The following YLPM1 variants were observed in gnomAD, a reference collection of about 807,000 sequenced individuals.
The protein encoded by YLPM1 is YLP motif-containing protein 1.
In YLPM1, 99 loss-of-function variants were observed where a neutral mutation model predicts 230.0. That is an observed-to-expected ratio of 0.43 (90% CI 0.37 to 0.51). YLPM1 has a LOEUF of 0.51. Ranked by LOEUF, YLPM1 falls within the 20% of genes least tolerant of loss-of-function variation. The pLI, the probability that YLPM1 is intolerant of heterozygous loss-of-function variation, is 0.00. For synonymous variants in YLPM1, 984 were observed against 942.5 expected (o/e 1.04, Z -0.81); for missense variants, 2,592 against 2,707.7 (o/e 0.96, Z 0.95).
At position 74,781,589 on chromosome 14, in the gene YLPM1, A is replaced by G. The variant is rs375571082; in HGVS notation, c.1546A>G (p.Met516Val). ...GAACCAGTATATGGGGAACATGTCA[A>G]TGCCACCTCCTTTTGTTCCATATTC... The part of the protein sequence containing the change: ...MKNQYMGNMS[M>V]PPPFVPYSQM... Residue 516 changes from methionine to valine, a missense_variant, in exon 4 of 21, where the codon ATG becomes GTG. Physicochemically the swap from Met to Val is conservative, Grantham distance 21. Around this residue, in one of 4 missense-constraint regions of YLPM1, gnomAD observed 1,862 missense variants for 1,819.8 expected, o/e 1.02. Coordinates refer to ENST00000325680, the MANE Select transcript of YLPM1 (RefSeq NM_019589.3). The G allele has an allele frequency of 5.5e-5, 89 of 1,613,878 alleles. No individual in the cohort carries two copies. The highest frequency in any genetic ancestry group is 7.0e-5 in the Non-Finnish European group (83 of 1,179,902).
At chr14:74,818,896 T>G (rs1369515743) in intron 16 of YLPM1, among the ~76,000 whole-genome samples, 1 of 134,892 alleles carries the variant, frequency 7.4e-6, no homozygotes, top group African/African-American at 2.4e-5. Context: ...AGAATGCCCC[T>G]CAATTTGAAT....
intron 19 of YLPM1, among the ~76,000 whole-genome samples, chr14:74,833,628 C>T (rs1273175488): frequency 2.0e-5 from 3 of 152,032 alleles, no homozygotes; most frequent in South Asian, 4.2e-4. Context: ...ATATTGAAGC[C>T]CACATTATTT....
Position 74,763,506 on chromosome 14 carries a change from G to T in YLPM1, c.17G>T (p.Gly6Val). 1 of 1,494,922 alleles carries T rather than the reference G, an allele frequency of 6.7e-7. No individual in the cohort carries two copies. 92.6% of individuals were successfully genotyped at this position (1,494,922 alleles called of 1,614,324 possible). ...TTTTTCGATATGTACCCGAATTGGGGCCGGTATGGCGGGAGCAGCCACTAT... is the reference window on the plus strand; with the variant it reads ...TTTTTCGATATGTACCCGAATTGGGTCCGGTATGGCGGGAGCAGCCACTAT... MYPNW[G>V]RYGGSSHYPP... is the part of the protein sequence containing the mutation. Residue 6 changes from glycine (G) to valine (V), a missense_variant, in exon 1 of 21, where the codon GGC becomes GTC. Gly to Val is a moderately radical substitution (Grantham distance 109, BLOSUM62 -3). Around this residue, in one of 4 missense-constraint regions of YLPM1, gnomAD observed 1,862 missense variants for 1,819.8 expected, o/e 1.02. Coordinates refer to ENST00000325680, the MANE Select transcript of YLPM1 (RefSeq NM_019589.3).
intron 4 of YLPM1, among the ~76,000 whole-genome samples, chr14:74,787,615 T>G (rs1421826501): frequency 6.6e-6 from 1 of 152,062 alleles, no homozygotes; most frequent in African/African-American, 2.4e-5. Flanking sequence ...TAAGACAGTT[T>G]GATCTCAGTA....
At chr14:74,814,987 A>G (rs1484427728) in intron 11 of YLPM1, among the ~76,000 whole-genome samples, 1 of 152,176 alleles carries the variant, frequency 6.6e-6, no homozygotes, top group Non-Finnish European at 1.5e-5. Flanking sequence ...TTTCACCTAA[A>G]TTATCTAATT....
intron 1 of YLPM1, among the ~76,000 whole-genome samples, chr14:74,766,220 C>T (rs563383347): frequency 2.0e-4 from 30 of 152,250 alleles, no homozygotes; most frequent in Admixed American, 1.4e-3. Flanking sequence ...TTGTCATGTT[C>T]TAGACTTAGG....
chr14:74,835,219 A>T (rs765609251), intron 19 of YLPM1, 46 bp from the exon 20 acceptor site: 2 of 1,604,592 alleles, frequency 1.2e-6, no homozygotes, highest in African/African-American at 1.3e-5. Context: ...GGCTCTTTGC[A>T]TATTTATTTT....
chr14:74,817,270 T>G lies in YLPM1; in HGVS notation c.5939T>G (p.Ile1980Arg). Residue 1980 changes from isoleucine to arginine, a missense_variant, in exon 15 of 21, where the codon ATA becomes AGA. This residue lies in a region of YLPM1 where 315 missense variants were observed against 429.3 expected (regional missense o/e 0.73). Coordinates refer to ENST00000325680, the MANE Select transcript of YLPM1 (RefSeq NM_019589.3). ...RNIHGRKLKE[I>R]NKMADHWETA... ...ATTCATGGAAGAAAGCTTAAAGAAA[T>G]AAATAAGGTGATTTTAAGAAACATA... 2 of 1,579,046 alleles carry G rather than the reference T, an allele frequency of 1.3e-6. No homozygotes were observed. Among genetic ancestry groups the G allele is most frequent in the Non-Finnish European group, 1.7e-6 (2 of 1,161,472 alleles).
chr14:74,829,251 C>G lies in YLPM1; in HGVS notation c.6202C>G (p.Arg2068Gly). The G allele has an allele frequency of 6.2e-7, 1 of 1,613,140 alleles. No homozygotes were observed. Among genetic ancestry groups the G allele is most frequent in the Non-Finnish European group, 8.5e-7 (1 of 1,179,360 alleles). ...CTTGAGGACTGGTACTAAAAGGAAACGTGACTGGGAGGCCATTGCCAGCAG... is the reference window on the plus strand; with the variant it reads ...CTTGAGGACTGGTACTAAAAGGAAAGGTGACTGGGAGGCCATTGCCAGCAG... ...DGLRTGTKRKRDWEAIASRME... is the reference protein window; with the variant it reads ...DGLRTGTKRKGDWEAIASRME... Residue 2068 changes from arginine (R) to glycine (G), a missense_variant, in exon 19 of 21, where the codon CGT becomes GGT. This residue lies in a region of YLPM1 where 315 missense variants were observed against 429.3 expected (regional missense o/e 0.73). Coordinates refer to ENST00000325680, the MANE Select transcript of YLPM1 (RefSeq NM_019589.3).
At position 74,798,071 on chromosome 14, in the gene YLPM1, A is replaced by G; in HGVS notation, c.2774A>G (p.Asp925Gly). The change falls in exon 5 of 21, where the codon GAC (aspartate) becomes GGC (glycine). Residue 925 changes from aspartate (D) to glycine (G), a missense_variant. Physicochemically the swap from Asp to Gly is moderately conservative, Grantham distance 94. This residue lies in a region of YLPM1 where 1,862 missense variants were observed against 1,819.8 expected (regional missense o/e 1.02). Coordinates refer to ENST00000325680, the MANE Select transcript of YLPM1 (RefSeq NM_019589.3). Reference protein sequence around the residue: ...SEGPVEPSNWDQNVQSMETQI... With the variant: ...SEGPVEPSNWGQNVQSMETQI... ...GGGCCCGTAGAGCCCTCTAATTGGGACCAGAATGTTCAAAGTATGGAGACT... is the reference window on the plus strand; with the variant it reads ...GGGCCCGTAGAGCCCTCTAATTGGGGCCAGAATGTTCAAAGTATGGAGACT... 6.2e-7 allele frequency: 1 copy of G among 1,613,968 alleles called. No individual in the cohort carries two copies. Among genetic ancestry groups the G allele is most frequent in the Non-Finnish European group, 8.5e-7 (1 of 1,179,902 alleles).
chr14:74,819,292 T>G (rs987398591), intron 16 of YLPM1, among the ~76,000 whole-genome samples: 2 of 149,722 alleles, frequency 1.3e-5, no homozygotes, highest in African/African-American at 2.5e-5. Context: ...TTTTTTTTTT[T>G]GAGGTGGAGT....
intron 10 of YLPM1, among the ~76,000 whole-genome samples, 170 bp downstream of exon 10, chr14:74,811,908 T>C (rs2091438334): frequency 6.6e-6 from 1 of 152,226 alleles, no homozygotes; most frequent in African/African-American, 2.4e-5. Flanking sequence ...ATAAAGCATG[T>C]TTATTTTTAA....
Position 74,810,406 on chromosome 14 carries a change from A to G in YLPM1, c.5214A>G (p.Arg1738=). ...GGGATCGATTTGACAGAGAACGCCG[A>G]CCCCGAGATGATAGGTATGCTATAA... ...YDRDRFDRER[R]PRDDRAQSYR... Residue 1738 remains arginine (R), a synonymous_variant, in exon 9 of 21, where the codon CGA becomes CGG. Coordinates refer to ENST00000325680, the MANE Select transcript of YLPM1 (RefSeq NM_019589.3). 4 of 1,578,124 alleles carry G rather than the reference A, an allele frequency of 2.5e-6. No individual in the cohort carries two copies. Among genetic ancestry groups the G allele is most frequent in the Middle Eastern group, 1.7e-4 (1 of 5,958 alleles).
intron 4 of YLPM1, among the ~76,000 whole-genome samples, chr14:74,788,417 G>C (rs1189139493): frequency 6.6e-6 from 1 of 152,182 alleles, no homozygotes; most frequent in Non-Finnish European, 1.5e-5. Flanking sequence ...ACCGCGCCTG[G>C]CCTTCTGTCA....
At position 74,764,328 on chromosome 14, in the gene YLPM1, C is replaced by T. The variant is rs763317878; in HGVS notation, c.839C>T (p.Ala280Val). 1.1e-5 allele frequency: 17 copies of T among 1,612,830 alleles called. No individual in the cohort carries two copies. Among genetic ancestry groups the T allele is most frequent in the Non-Finnish European group, 1.4e-5 (16 of 1,179,342 alleles). ...KNKSTEQQQA[A>V]PEPDPSTMTP... ...AAGAGTACTGAACAGCAGCAAGCCG[C>T]CCCTGAGCCAGATCCCTCTACGATG... is the stretch of plus-strand genomic sequence containing the variant. The change falls in exon 1 of 21, where the codon GCC becomes GTC. Residue 280 changes from alanine to valine, a missense_variant. This residue lies in a region of YLPM1 where 1,862 missense variants were observed against 1,819.8 expected (regional missense o/e 1.02). Transcript: ENST00000325680.
intron 11 of YLPM1, among the ~76,000 whole-genome samples, chr14:74,813,037 C>G (rs1011215408): frequency 6.6e-6 from 1 of 151,988 alleles, no homozygotes; most frequent in East Asian, 1.9e-4. Flanking sequence ...ATTAATTGCG[C>G]GTTGAAGAGA....
chr14:74,799,067 A>G lies in YLPM1; in HGVS notation c.3770A>G (p.Asp1257Gly). The G allele has an allele frequency of 6.2e-7, 1 of 1,613,982 alleles. No homozygotes were observed. Among genetic ancestry groups the G allele is most frequent in the Non-Finnish European group, 8.5e-7 (1 of 1,179,884 alleles). ...RFSAPPSRSH[D>G]GDRRGPWWDD... Reference sequence around the variant, plus strand: ...TCAGCACCACCATCTCGGTCTCATGATGGAGATAGGCGAGGCCCTTGGTGG... The same window carrying G: ...TCAGCACCACCATCTCGGTCTCATGGTGGAGATAGGCGAGGCCCTTGGTGG... Residue 1257 changes from aspartate to glycine, a missense_variant, in exon 5 of 21, where the codon GAT (aspartate) becomes GGT (glycine). This residue lies in a region of YLPM1 where 1,862 missense variants were observed against 1,819.8 expected (regional missense o/e 1.02). Transcript: ENST00000325680.
In YLPM1 at chr14:74,781,856, C is replaced by G. The variant is rs749965567; in HGVS notation, c.1813C>G (p.Leu605Val). 6.2e-7 allele frequency: 1 copy of G among 1,612,716 alleles called. No homozygotes were observed. Residue 605 changes from leucine to valine, a missense_variant, in exon 4 of 21, where the codon CTT becomes GTT. Transcript: ENST00000325680. ...SLSSAGPPPV[L>V]PPPSLSSTAP... is the part of the protein sequence containing the mutation. ...GTCTTCTGCAGGGCCACCACCAGTTCTTCCCCCACCATCTCTCTCTTCAAC... is the reference window on the plus strand; with the variant it reads ...GTCTTCTGCAGGGCCACCACCAGTTGTTCCCCCACCATCTCTCTCTTCAAC...
At chr14:74,816,496 C>A in intron 12 of YLPM1, 75 bp from the exon 13 acceptor site, 1 of 1,510,344 alleles carries the variant, frequency 6.6e-7, no homozygotes, top group Non-Finnish European at 8.9e-7. Context: ...TATTTAGCCA[C>A]AAGAGGGAAC....
Sources: allele counts gnomAD v4.1 joint callset (sites outside exome capture counted in the v4.1 genomes callset), GRCh38; gene constraint gnomAD v4.1.1; regional missense constraint gnomAD v4.1.1; transcripts MANE v1.5; gene names NCBI Gene and HGNC (gene_info 2026-07-23, HGNC 2026-07-21).